Variants in TENM3 observed in about 807,000 individuals in gnomAD.
The protein encoded by TENM3 is teneurin transmembrane protein 3.
TENM3 carries 63 observed loss-of-function variants against 255.1 expected under a neutral mutation model. The observed-to-expected ratio is 0.25, with a 90% CI of 0.20 to 0.30. TENM3 has a LOEUF of 0.30. Ranked by LOEUF, TENM3 falls within the 10% of genes least tolerant of loss-of-function variation. TENM3 has a pLI of 1.00. For missense variants in TENM3, 2,929 were observed against 3,461.1 expected, an observed-to-expected ratio of 0.85 and a Z score of 3.86; for synonymous variants, 1,306 against 1,322.3, an observed-to-expected ratio of 0.99 and a Z score of 0.27.
chr4:182,098,062 C>A, the TENM3 span, among the ~76,000 whole-genome samples: 1 of 151,958 alleles, frequency 6.6e-6, no homozygotes. Flanking sequence ...AAACAAATGG[C>A]CAACAGGTAT....
the TENM3 span, among the ~76,000 whole-genome samples, chr4:181,449,133 C>T: frequency 6.6e-6 from 1 of 152,148 alleles, no homozygotes; most frequent in African/African-American, 2.4e-5. Context: ...CATATTTTTA[C>T]ACTTTATTTT....
the TENM3 span, among the ~76,000 whole-genome samples, chr4:182,093,526 CAGG>C: frequency 6.6e-6 from 1 of 152,248 alleles, no homozygotes; most frequent in Middle Eastern, 3.4e-3. Context: ...AACACGTGTG[CAGG>C]AGGAGGCAGA....
intron 3 of TENM3, among the ~76,000 whole-genome samples, chr4:182,374,257 T>C (rs1767031705): frequency 6.6e-6 from 1 of 152,204 alleles, no homozygotes; most frequent in African/African-American, 2.4e-5. Context: ...TTTTTGGTTT[T>C]ATAGACTAAA....
intron 3 of TENM3, among the ~76,000 whole-genome samples, chr4:182,574,544 A>G (rs1744729368): frequency 6.6e-6 from 1 of 152,180 alleles, no homozygotes. Flanking sequence ...TCATTGAGCC[A>G]TTTATAGGTT....
At chr4:181,767,372 TAAC>T in the TENM3 span, among the ~76,000 whole-genome samples, 1 of 149,924 alleles carries the variant, frequency 6.7e-6, no homozygotes, top group Admixed American at 6.6e-5. Context: ...AATTTAGTAA[TAAC>T]AAAGGGAGAA....
intron 3 of TENM3, among the ~76,000 whole-genome samples, chr4:182,460,611 TTAAA>T (rs1202845301): frequency 6.6e-6 from 1 of 152,214 alleles, no homozygotes; most frequent in Non-Finnish European, 1.5e-5. Context: ...TTTTATTTTT[TTAAA>T]TAAAGCAGGA....
At chr4:182,791,811 T>G (rs1766122239) in intron 25 of TENM3, among the ~76,000 whole-genome samples, 1 of 152,118 alleles carries the variant, frequency 6.6e-6, no homozygotes, top group African/African-American at 2.4e-5. Flanking sequence ...CTCCCCCAAG[T>G]ACACTAGAAA....
intron 3 of TENM3, among the ~76,000 whole-genome samples, chr4:182,362,232 C>G (rs1482878321): frequency 1.3e-5 from 2 of 152,080 alleles, no homozygotes; most frequent in Non-Finnish European, 2.9e-5. Context: ...GCTGGGAGAA[C>G]CACTGCTCTC....
At chr4:181,906,871 A>G in the TENM3 span, among the ~76,000 whole-genome samples, 1 of 151,340 alleles carries the variant, frequency 6.6e-6, no homozygotes, top group South Asian at 2.1e-4. Flanking sequence ...TCTTTTGTCA[A>G]CTCACCTTTT....
At chr4:182,778,783 A>G (rs1333174481) in intron 24 of TENM3, among the ~76,000 whole-genome samples, 1 of 152,210 alleles carries the variant, frequency 6.6e-6, no homozygotes, top group Non-Finnish European at 1.5e-5. Context: ...TAAAGGAAGT[A>G]TACATCACAA....
chr4:182,501,382 G>C (rs1200907488), intron 3 of TENM3, among the ~76,000 whole-genome samples: 1 of 145,476 alleles, frequency 6.9e-6, no homozygotes, highest in Non-Finnish European at 1.5e-5. Context: ...GTGGGGGGGG[G>C]GGTTGGCAAT....
chr4:182,034,899 CT>C, the TENM3 span, among the ~76,000 whole-genome samples: 1 of 152,144 alleles, frequency 6.6e-6, no homozygotes, highest in Non-Finnish European at 1.5e-5. Context: ...TATTGGGATT[CT>C]CTGGATTTCC....
the TENM3 span, among the ~76,000 whole-genome samples, chr4:181,527,425 G>A: frequency 0.05 from 7,674 of 152,078 alleles, 280 homozygotes; most frequent in African/African-American, 0.099. Context: ...CTGGAGTGCA[G>A]TGGCTTGATC....
chr4:182,378,768 G>GT lies in TENM3; in HGVS notation c.511+31845dup, dbSNP rs985674484. On this transcript the variant is annotated intron_variant, in intron 3 of 27. Transcript: ENST00000511685. ...AAAGATTATTTTGGATTGCAGAAGT[G>GT]TTTTTTCTCCCAAAATTGCAATAGG... Among the ~76,000 whole-genome samples, 51 of 152,260 alleles carry GT rather than the reference G, an allele frequency of 3.3e-4. No homozygotes were observed. The South Asian group carries it at 4.8e-3, about 14-fold the overall frequency.
At chr4:182,715,243 C>T (rs111254060) in intron 13 of TENM3, among the ~76,000 whole-genome samples, 9 of 152,282 alleles carry the variant, frequency 5.9e-5, no homozygotes, top group African/African-American at 1.4e-4. Flanking sequence ...AGTTCCTATC[C>T]GGGCCTCTGT....
At chr4:181,736,235 T>C in the TENM3 span, among the ~76,000 whole-genome samples, 2 of 152,152 alleles carry the variant, frequency 1.3e-5, no homozygotes, top group Non-Finnish European at 2.9e-5. Context: ...GAAGCAGAGA[T>C]TGCAGTAAGG....
the TENM3 span, among the ~76,000 whole-genome samples, chr4:181,622,631 G>A: frequency 7.9e-5 from 12 of 152,196 alleles, no homozygotes; most frequent in South Asian, 2.1e-4. Flanking sequence ...AGCTGAGATC[G>A]CGCCACTGTA....
chr4:182,177,410 C>G, intron 1 of TENM3, among the ~76,000 whole-genome samples: 1 of 152,078 alleles, frequency 6.6e-6, no homozygotes, highest in Non-Finnish European at 1.5e-5. Flanking sequence ...CTCAGAGGAG[C>G]ATGTCCCCGG....
At chr4:181,632,015 C>T in the TENM3 span, among the ~76,000 whole-genome samples, 1 of 152,170 alleles carries the variant, frequency 6.6e-6, no homozygotes, top group Non-Finnish European at 1.5e-5. Flanking sequence ...TGCTACTACA[C>T]AAATCCAGGT....
Sources: allele counts gnomAD v4.1 joint callset (sites outside exome capture counted in the v4.1 genomes callset), GRCh38; gene constraint gnomAD v4.1.1; transcripts MANE v1.5; gene names NCBI Gene and HGNC (gene_info 2026-07-23, HGNC 2026-07-21).